SNU13: variants seen among roughly 807,000 people sequenced by gnomAD.
The protein encoded by SNU13 is NHP2-like protein 1.
SNU13 carries 2 observed loss-of-function variants against 12.4 expected under a neutral mutation model. The ratio of observed to expected loss-of-function variants is 0.16; its 90% CI spans 0.07 to 0.51. SNU13 has a LOEUF of 0.51. Ranked by LOEUF, SNU13 falls within the 20% of genes least tolerant of loss-of-function variation. The probability of loss-of-function intolerance (pLI) is 0.96; values close to 1 mark genes in which losing one functional copy is unlikely to be tolerated. For synonymous variants in SNU13, 68 were observed against 66.5 expected, an observed-to-expected ratio of 1.02 and a Z score of -0.11; for missense variants, 66 against 157.8, an observed-to-expected ratio of 0.42 and a Z score of 3.12.
intron 1 of SNU13, 21 bp downstream of exon 1, chr22:41,688,773 T>C (rs764591965): frequency 2.4e-5 from 38 of 1,598,586 alleles, no homozygotes; most frequent in Non-Finnish European, 3.2e-5. Context: ...TCCCGGTCCC[T>C]CGGCCGGCGC....
At chr22:41,679,002 T>C (rs2068238047) in intron 2 of SNU13, among the ~76,000 whole-genome samples, 2 of 152,180 alleles carry the variant, frequency 1.3e-5, no homozygotes, top group African/African-American at 4.8e-5. Context: ...CGCCTGCTGT[T>C]ATCCTAACAC....
intron 1 of SNU13, among the ~76,000 whole-genome samples, chr22:41,680,964 G>A (rs148588562): frequency 0.053 from 8,120 of 152,278 alleles, 684 homozygotes; most frequent in African/African-American, 0.18. Context: ...GCCGAGGCGG[G>A]TGGATCACCT....
Position 41,674,872 on chromosome 22 carries a change from T to C in SNU13, c.*61A>G. On this transcript the variant is annotated 3_prime_UTR_variant, in exon 3 of 3. Coordinates refer to ENST00000401959, the MANE Select transcript of SNU13 (RefSeq NM_001003796.2). ...TGAAAATACTACATGCTAACACAGA[T>C]AATATGATACACAACCTCAGGGGGG... 1 of 1,580,674 alleles carries C rather than the reference T, an allele frequency of 6.3e-7. No individual in the cohort carries two copies. Among genetic ancestry groups the C allele is most frequent in the Middle Eastern group, 2.3e-4 (1 of 4,410 alleles).
intron 1 of SNU13, among the ~76,000 whole-genome samples, chr22:41,687,495 G>A (rs1035667938): frequency 2.6e-5 from 4 of 152,086 alleles, no homozygotes; most frequent in Non-Finnish European, 5.9e-5. Flanking sequence ...CAACAAAAAA[G>A]TTAAACTCAA....
chr22:41,682,297 C>T, intron 1 of SNU13: 5 of 1,539,792 alleles, frequency 3.2e-6, no homozygotes, highest in South Asian at 1.1e-5. Flanking sequence ...GGACCACGCT[C>T]GCGGCACCAC....
upstream of SNU13, chr22:41,689,194 C>A: frequency 1.4e-6 from 1 of 705,706 alleles, no homozygotes; most frequent in Non-Finnish European, 1.7e-6. Flanking sequence ...AAACCTCGTC[C>A]CTACTAAAAA....
rs536517210 is a variant in SNU13 at position 41,679,492 on chromosome 22, G to A, written c.124+752C>T. Among the ~76,000 whole-genome samples the A allele has an allele frequency of 6.6e-5, 10 of 152,044 alleles. No individual in the cohort carries two copies. The South Asian group carries it at 1.9e-3, about 28-fold the overall frequency. ...AATCATTTGAACCCGGGAAGCGGAG[G>A]TTGCAGTAAGCTGAGATCCTGCCAT... On this transcript the variant is annotated intron_variant, in intron 2 of 2. Coordinates refer to ENST00000401959, the MANE Select transcript of SNU13 (RefSeq NM_001003796.2).
At chr22:41,680,973 C>G (rs1266519157) in intron 1 of SNU13, among the ~76,000 whole-genome samples, 2 of 152,200 alleles carry the variant, frequency 1.3e-5, no homozygotes, top group African/African-American at 2.4e-5. Flanking sequence ...GGTGGATCAC[C>G]TGAGGTCAGG....
intron 1 of SNU13, among the ~76,000 whole-genome samples, chr22:41,680,580 T>C (rs370324411): frequency 9.9e-5 from 15 of 152,234 alleles, no homozygotes; most frequent in East Asian, 5.8e-4. Flanking sequence ...CAGTAAAGTA[T>C]ACTAAAGCTC....
rs750198131 is a variant in SNU13, at chr22:41,674,645, C to G, written c.*288G>C. On this transcript the variant is annotated 3_prime_UTR_variant, in exon 3 of 3. Transcript: ENST00000401959. ...CCTGGCTCCATCAGCTTTCTCCTGG[C>G]TCTTTCTGCCTTTCAACGGTGCCAC... 15 of 374,376 alleles carry G rather than the reference C, an allele frequency of 4.0e-5. No homozygotes were observed. The highest frequency in any genetic ancestry group is 5.9e-5 in the Non-Finnish European group (12 of 201,780). The allele number at this position is 374,376 out of a possible 1,614,324, so 23.2% of individuals were successfully genotyped here. A position where few individuals can be genotyped will look rare whatever the true frequency, so the allele number is the denominator to read the frequency against.
chr22:41,682,459 C>T, intron 1 of SNU13: 2 of 1,602,494 alleles, frequency 1.2e-6, no homozygotes, highest in Non-Finnish European at 1.7e-6. Flanking sequence ...GGATGCCCCG[C>T]CCCCAAGAGC....
intron 1 of SNU13, among the ~76,000 whole-genome samples, chr22:41,683,849 C>T (rs1356092548): frequency 6.6e-6 from 1 of 152,110 alleles, no homozygotes; most frequent in Non-Finnish European, 1.5e-5. Context: ...GGTTTGTTGT[C>T]TCATGCCAAG....
In SNU13 at chr22:41,680,346, G is replaced by T; in HGVS notation, c.22C>A (p.Pro8Thr). 1.2e-6 allele frequency: 2 copies of T among 1,613,722 alleles called. No homozygotes were observed. The highest frequency in any genetic ancestry group is 1.1e-5 in the South Asian group (1 of 91,030). ...GCATCGGCAAGGGGATAGGCCTTTG[G>T]ATTCACATCAGCCTCAGTCTATGGG... Reference protein sequence around the residue: MTEADVNPKAYPLADAHL... With the variant: MTEADVNTKAYPLADAHL... The change falls in exon 2 of 3, where the codon CCA becomes ACA. Residue 8 changes from proline (P) to threonine (T), a missense_variant. Physicochemically the swap from Pro to Thr is conservative, Grantham distance 38 (BLOSUM62 -1). Transcript: ENST00000401959.
chr22:41,678,196 C>T (rs566990174), intron 2 of SNU13, among the ~76,000 whole-genome samples: 7 of 151,892 alleles, frequency 4.6e-5, no homozygotes, highest in African/African-American at 1.7e-4. Flanking sequence ...AGGATGGTCT[C>T]GATCTCCTGA....
Position 41,675,173 on chromosome 22 carries a change from G to A in SNU13, c.147C>T (p.Gly49=). 1 of 1,613,834 alleles carries A rather than the reference G, an allele frequency of 6.2e-7. No homozygotes were observed. Among genetic ancestry groups the A allele is most frequent in the South Asian group, 1.1e-5 (1 of 91,070 alleles). ...ANEATKTLNR[G]ISEFIVMAAD... ...CAGCCATCACGATGAACTCAGAGAT[G>A]CCCCTGTTGAGGGTTTTGGTGGCTG... is the stretch of plus-strand genomic sequence containing the variant. The change falls in exon 3 of 3, where the codon GGC becomes GGT. Residue 49 remains glycine (G), a synonymous_variant. Coordinates refer to ENST00000401959, the MANE Select transcript of SNU13 (RefSeq NM_001003796.2).
At chr22:41,689,134 G>A, upstream of SNU13, 1 of 1,048,542 alleles carries the variant, frequency 9.5e-7, no homozygotes, top group Non-Finnish European at 1.2e-6. Context: ...GGCCGAGGCG[G>A]GCGCATCACC....
At chr22:41,682,476 T>A in intron 1 of SNU13, 3 of 1,589,368 alleles carry the variant, frequency 1.9e-6, no homozygotes, top group Non-Finnish European at 2.6e-6. Flanking sequence ...GAGCAGGAAG[T>A]GACGCCACTG....
intron 2 of SNU13, among the ~76,000 whole-genome samples, chr22:41,678,197 G>A (rs537660612): frequency 2.1e-4 from 32 of 151,780 alleles, no homozygotes; most frequent in African/African-American, 2.4e-4. Context: ...GGATGGTCTC[G>A]ATCTCCTGAC....
At chr22:41,675,596 A>G (rs893937621) in intron 2 of SNU13, among the ~76,000 whole-genome samples, 2 of 149,146 alleles carry the variant, frequency 1.3e-5, no homozygotes, top group Non-Finnish European at 3.0e-5. Context: ...TAATTTTTGT[A>G]TTTTTAGTAG....
Sources: gnomAD v4.1 joint callset for allele counts (sites outside exome capture counted in the v4.1 genomes callset) on GRCh38, gnomAD v4.1.1 for gene constraint, MANE v1.5 for transcripts, NCBI Gene and HGNC (gene_info 2026-07-23, HGNC 2026-07-21) for gene names.